Variants in ALG5 observed in about 807,000 individuals in gnomAD.
ALG5 encodes dolichyl-phosphate beta-glucosyltransferase.
In ALG5, 26 loss-of-function variants were observed where a neutral mutation model predicts 51.8. The ratio of observed to expected loss-of-function variants is 0.50; its 90% confidence interval spans 0.37 to 0.70. ALG5 has a LOEUF of 0.70. Among genes scored for constraint, ALG5 ranks in the 30% least tolerant of loss-of-function variants. The pLI is 0.00. For synonymous variants in ALG5, 141 were observed against 136.1 expected, an observed-to-expected ratio of 1.04 and a Z score of -0.25; for missense variants, 311 against 399.3, an observed-to-expected ratio of 0.78 and a Z score of 1.88.
chr13:36,993,299 A>G (rs996637140), intron 4 of ALG5, among the ~76,000 whole-genome samples: 1 of 152,244 alleles, frequency 6.6e-6, no homozygotes, highest in Non-Finnish European at 1.5e-5. Context: ...AAGATGGAGC[A>G]TAAAGAAACT....
intron 6 of ALG5, among the ~76,000 whole-genome samples, chr13:36,982,408 A>G (rs773012044): frequency 6.6e-6 from 1 of 152,234 alleles, no homozygotes; most frequent in Non-Finnish European, 1.5e-5. Context: ...TGGATAAATG[A>G]TTAAATTAGA....
In ALG5 at chr13:36,989,524, G is replaced by T. The variant is rs1410054318; in HGVS notation, c.407C>A (p.Thr136Asn). 4 of 1,612,876 alleles carry T rather than the reference G, an allele frequency of 2.5e-6. No homozygotes were observed. Among genetic ancestry groups the T allele is most frequent in the South Asian group, 1.1e-5 (1 of 90,784 alleles). ...KYGSDKVRVI[T>N]LVKNRGKGGA... ...ACCTTTTCCACGATTCTTCACCAGGGTTATCACACGTACTTTGTCACTTCC... is the reference window on the plus strand; with the variant it reads ...ACCTTTTCCACGATTCTTCACCAGGTTTATCACACGTACTTTGTCACTTCC... The change falls in exon 5 of 10, where the codon ACC (threonine) becomes AAC (asparagine). Residue 136 changes from threonine to asparagine, a missense_variant. Physicochemically the swap from Thr to Asn is moderately conservative, Grantham distance 65. Transcript: ENST00000239891.
intron 6 of ALG5, among the ~76,000 whole-genome samples, chr13:36,977,821 CGGT>C (rs2058960175): frequency 2.3e-5 from 2 of 85,170 alleles, no homozygotes; most frequent in African/African-American, 1.1e-4. Flanking sequence ...AAAACAAAAA[CGGT>C]GGTAAGAAGT....
chr13:36,987,474 T>G (rs2059007111), intron 5 of ALG5, among the ~76,000 whole-genome samples: 1 of 152,150 alleles, frequency 6.6e-6, no homozygotes, highest in Admixed American at 6.5e-5. Flanking sequence ...CAAGTTTTCA[T>G]GAGATCTGGT....
intron 7 of ALG5, chr13:36,968,011 T>A: frequency 4.4e-6 from 1 of 224,722 alleles, no homozygotes; most frequent in Non-Finnish European, 9.2e-6. Flanking sequence ...TGGCTATTTT[T>A]TAAAAAGCAG....
intron 4 of ALG5, among the ~76,000 whole-genome samples, chr13:36,990,188 G>A (rs754799351): frequency 1.8e-4 from 28 of 152,106 alleles, no homozygotes; most frequent in Non-Finnish European, 1.9e-4. Flanking sequence ...CTCAAGCTAC[G>A]GCCATTACTC....
chr13:36,969,881 T>G (rs1439254432), intron 7 of ALG5, among the ~76,000 whole-genome samples: 4 of 152,110 alleles, frequency 2.6e-5, no homozygotes, highest in Non-Finnish European at 4.4e-5. Context: ...TATCATACTA[T>G]TTTTTACAAA....
chr13:36,999,018 G>T (rs1413334128), intron 1 of ALG5: 5 of 420,264 alleles, frequency 1.2e-5, no homozygotes, highest in Non-Finnish European at 2.1e-5. Flanking sequence ...ACAAGTCTCT[G>T]AGCACACAAA....
chr13:36,986,987 A>G (rs1348471821), intron 5 of ALG5, among the ~76,000 whole-genome samples: 1 of 152,194 alleles, frequency 6.6e-6, no homozygotes, highest in East Asian at 1.9e-4. Context: ...GCAGTCTACC[A>G]TAGCAACTCC....
At chr13:36,982,506 C>T (rs986239739) in intron 6 of ALG5, among the ~76,000 whole-genome samples, 3 of 152,350 alleles carry the variant, frequency 2.0e-5, no homozygotes, top group African/African-American at 7.2e-5. Flanking sequence ...TCTATGTCTA[C>T]TTTCATGCTA....
At chr13:36,990,368 C>T (rs2059020500) in intron 4 of ALG5, among the ~76,000 whole-genome samples, 1 of 152,226 alleles carries the variant, frequency 6.6e-6, no homozygotes, top group South Asian at 2.1e-4. Flanking sequence ...ACCATCTCTA[C>T]AGGCAGCTGT....
At chr13:36,976,441 A>G (rs866235767) in intron 6 of ALG5, among the ~76,000 whole-genome samples, 31 of 149,210 alleles carry the variant, frequency 2.1e-4, no homozygotes, top group African/African-American at 7.4e-4. Context: ...AAAAAAAAAA[A>G]AAAAAAAAAG....
intron 4 of ALG5, among the ~76,000 whole-genome samples, chr13:36,991,713 T>C (rs964913808): frequency 6.6e-6 from 1 of 152,192 alleles, no homozygotes; most frequent in Non-Finnish European, 1.5e-5. Flanking sequence ...GGTGAGGACT[T>C]CTGATAAAGA....
At chr13:36,973,157 A>C (rs1484528087) in intron 6 of ALG5, among the ~76,000 whole-genome samples, 1 of 151,922 alleles carries the variant, frequency 6.6e-6, no homozygotes, top group Non-Finnish European at 1.5e-5. Context: ...TTAAAAGAGA[A>C]GCAAAAATAA....
At chr13:36,981,566 G>C (rs931546558) in intron 6 of ALG5, among the ~76,000 whole-genome samples, 1 of 152,182 alleles carries the variant, frequency 6.6e-6, no homozygotes, top group African/African-American at 2.4e-5. Context: ...CTAACAAGTT[G>C]AAGTTGAGAT....
chr13:36,994,903 C>T, intron 3 of ALG5, 86 bp downstream of exon 3: 2 of 1,193,370 alleles, frequency 1.7e-6, no homozygotes, highest in South Asian at 1.3e-5. Context: ...GACTGCCTCT[C>T]ACAGTGCATC....
At chr13:36,976,479 G>C (rs1242502919) in intron 6 of ALG5, among the ~76,000 whole-genome samples, 1 of 145,844 alleles carries the variant, frequency 6.9e-6, no homozygotes, top group African/African-American at 2.5e-5. Flanking sequence ...TGGGCACGGT[G>C]GTTCATGGCT....
At chr13:36,977,294 T>C (rs1284938609) in intron 6 of ALG5, among the ~76,000 whole-genome samples, 3 of 152,238 alleles carry the variant, frequency 2.0e-5, no homozygotes, top group African/African-American at 7.2e-5. Context: ...AAACCTCTTT[T>C]GGAGTATAAC....
At chr13:36,993,384 G>A (rs931934132) in intron 4 of ALG5, among the ~76,000 whole-genome samples, 7 of 152,208 alleles carry the variant, frequency 4.6e-5, no homozygotes, top group East Asian at 3.8e-4. Context: ...GGAACTGTGC[G>A]CGGGCATGTT....
Sources: allele counts gnomAD v4.1 joint callset (sites outside exome capture counted in the v4.1 genomes callset), GRCh38; gene constraint gnomAD v4.1.1; transcripts MANE v1.5; gene names NCBI Gene and HGNC (gene_info 2026-07-23, HGNC 2026-07-21).